Variants in GATAD2A observed in about 807,000 individuals in gnomAD.
GATAD2A encodes GATA zinc finger domain containing 2A.
Under a neutral mutation model 68.5 loss-of-function variants are expected in GATAD2A, and 12 were observed. That is an observed-to-expected ratio of 0.18 (90% CI 0.11 to 0.28). The LOEUF is 0.28. Ranked by LOEUF, GATAD2A falls within the 10% of genes least tolerant of loss-of-function variation. GATAD2A has a pLI of 1.00. For missense variants in GATAD2A, 755 were observed against 868.5 expected (o/e 0.87, Z 1.64); for synonymous variants, 410 against 375.3 (o/e 1.09, Z -1.07).
chr19:19,392,686 G>A (rs1163201517), intron 1 of GATAD2A, among the ~76,000 whole-genome samples: 3 of 148,476 alleles, frequency 2.0e-5, no homozygotes, highest in South Asian at 4.3e-4. Flanking sequence ...CACTGCGTCC[G>A]GTCAAGTTTT....
At chr19:19,419,872 C>T (rs1230083944) in intron 1 of GATAD2A, among the ~76,000 whole-genome samples, 1 of 152,048 alleles carries the variant, frequency 6.6e-6, no homozygotes, top group African/African-American at 2.4e-5. Context: ...GGATCCAGTC[C>T]TAGGACCGTC....
At chr19:19,427,085 C>T (rs1253253561) in intron 1 of GATAD2A, among the ~76,000 whole-genome samples, 1 of 149,716 alleles carries the variant, frequency 6.7e-6, no homozygotes, top group Non-Finnish European at 1.5e-5. Flanking sequence ...TTCCTAGACT[C>T]TCAAATTCTT....
chr19:19,406,517 C>T (rs897098058), intron 1 of GATAD2A, among the ~76,000 whole-genome samples: 5 of 152,106 alleles, frequency 3.3e-5, no homozygotes, highest in South Asian at 2.1e-4. Context: ...GCGCCCACGC[C>T]TGGAGGGCCG....
chr19:19,421,216 A>G (rs1490288437), intron 1 of GATAD2A, among the ~76,000 whole-genome samples: 5 of 152,044 alleles, frequency 3.3e-5, no homozygotes, highest in Non-Finnish European at 5.9e-5. Context: ...TAGGGTCTGG[A>G]TCTGCTTGAG....
intron 1 of GATAD2A, among the ~76,000 whole-genome samples, chr19:19,422,990 C>T (rs1048206137): frequency 5.9e-5 from 9 of 152,096 alleles, no homozygotes; most frequent in Admixed American, 6.6e-5. Flanking sequence ...GGATTACAGG[C>T]GTGAGCCACT....
In GATAD2A at chr19:19,505,435, C is replaced by T. The variant is rs2144571139; in HGVS notation, c.1866C>T (p.Ile622=). ...DRQREYLLDM[I]PPRSIPQSAT... is the part of the protein sequence containing the mutation. ...AGCGAGAGTACCTCCTGGACATGATCCCACCCCGCTCCATCCCCCAGTCAG... is the reference window on the plus strand; with the variant it reads ...AGCGAGAGTACCTCCTGGACATGATTCCACCCCGCTCCATCCCCCAGTCAG... Residue 622 remains isoleucine, a synonymous_variant, in exon 12 of 12, where the codon ATC becomes ATT. Transcript: ENST00000683918. The T allele has an allele frequency of 6.2e-7, 1 of 1,611,704 alleles. No homozygotes were observed. Among genetic ancestry groups the T allele is most frequent in the Non-Finnish European group, 8.5e-7 (1 of 1,179,014 alleles).
At chr19:19,479,673 C>T (rs1291841812) in intron 2 of GATAD2A, among the ~76,000 whole-genome samples, 1 of 152,154 alleles carries the variant, frequency 6.6e-6, no homozygotes, top group African/African-American at 2.4e-5. Context: ...CTTCTCGTCA[C>T]ATCATATCAA....
In GATAD2A at chr19:19,454,728, G is replaced by GCCCCC. The variant is rs60087917; in HGVS notation, c.-6-10607_-6-10603dup. Among the ~76,000 whole-genome samples, 314 of 121,582 alleles carry GCCCCC rather than the reference G, an allele frequency of 2.6e-3. 3 individuals are homozygous for GCCCCC. Among genetic ancestry groups the GCCCCC allele is most frequent in the Non-Finnish European group, 3.2e-3 (188 of 58,942 alleles). 79.8% of individuals were successfully genotyped at this position (121,582 alleles called of 152,430 possible). A position where few individuals can be genotyped will look rare whatever the true frequency, so the allele number is the denominator to read the frequency against. ...TGGGATTACAGGTGTGAGCCACTGT[G>GCCCCC]CCCCCCCCCACCCCCTTAGGTTTCT... On this transcript the variant is annotated intron_variant, in intron 1 of 11. Transcript: ENST00000683918.
At chr19:19,448,856 T>C (rs1419320537) in intron 1 of GATAD2A, among the ~76,000 whole-genome samples, 1 of 152,136 alleles carries the variant, frequency 6.6e-6, no homozygotes, top group Non-Finnish European at 1.5e-5. Context: ...TTTTTCCTAT[T>C]GTCTGGTACA....
At chr19:19,400,873 T>C (rs1170870295), upstream of GATAD2A, among the ~76,000 whole-genome samples, 3 of 152,176 alleles carry the variant, frequency 2.0e-5, no homozygotes, top group Non-Finnish European at 4.4e-5. Flanking sequence ...TAGGGCCCGA[T>C]GTGGTGGCTC....
At position 19,498,801 on chromosome 19, in the gene GATAD2A, C is replaced by T. The variant is rs969910009; in HGVS notation, c.1204+79C>T. 2.0e-5 allele frequency: 26 copies of T among 1,285,562 alleles called. No individual in the cohort carries two copies. In the Middle Eastern group the frequency reaches 7.2e-4, roughly 36 times the overall value. The allele number at this position is 1,285,562 out of a possible 1,614,324, so 79.6% of individuals were successfully genotyped here. A position where few individuals can be genotyped will look rare whatever the true frequency, so the allele number is the denominator to read the frequency against. On this transcript the variant is annotated intron_variant, in intron 8 of 11. Coordinates refer to ENST00000683918, the MANE Select transcript of GATAD2A (RefSeq NM_001384528.1). ...TGCCCCGTGGGTTCTTTCCAACACA[C>T]AGCAGAGGCTGGGGCAGGGCTGCCT...
At chr19:19,467,619 TTTATAGAG>T (rs1335486246) in intron 2 of GATAD2A, among the ~76,000 whole-genome samples, 6 of 152,210 alleles carry the variant, frequency 3.9e-5, no homozygotes, top group Non-Finnish European at 7.3e-5. Context: ...TAGTATTTTG[TTTATAGAG>T]TTTCTATTTG....
chr19:19,396,015 A>G (rs543697429), intron 1 of GATAD2A, among the ~76,000 whole-genome samples: 84 of 152,236 alleles, frequency 5.5e-4, no homozygotes, highest in Non-Finnish European at 9.1e-4. Context: ...TAGTAAAGGT[A>G]GTTGTTAAAG....
At chr19:19,462,449 C>T (rs2057519929) in intron 1 of GATAD2A, among the ~76,000 whole-genome samples, 1 of 152,234 alleles carries the variant, frequency 6.6e-6, no homozygotes, top group South Asian at 2.1e-4. Context: ...AGGGGTGCCG[C>T]AGGGCCCCGC....
At chr19:19,483,326 A>G (rs1398469395) in intron 2 of GATAD2A, among the ~76,000 whole-genome samples, 1 of 152,180 alleles carries the variant, frequency 6.6e-6, no homozygotes, top group Admixed American at 6.5e-5. Flanking sequence ...CTCCAGGAAG[A>G]ATGATGGCTG....
intron 2 of GATAD2A, among the ~76,000 whole-genome samples, chr19:19,482,796 TC>T (rs2059148221): frequency 1.3e-5 from 2 of 152,140 alleles, no homozygotes; most frequent in Non-Finnish European, 2.9e-5. Context: ...GCATGTGTCT[TC>T]CTGTATTTCT....
chr19:19,502,048 G>A lies in GATAD2A; in HGVS notation c.1578+5G>A. On this transcript the variant is annotated splice_donor_5th_base_variant and intron_variant, in intron 10 of 11. Transcript: ENST00000683918. ...AGTAACGGGGCTGTGCTACAGGTCA[G>A]AACCGCACTGGGCGCCGGGAGCCTC... 1.2e-6 allele frequency: 2 copies of A among 1,610,510 alleles called. No homozygotes were observed. Among genetic ancestry groups the A allele is most frequent in the South Asian group, 1.1e-5 (1 of 90,980 alleles).
chr19:19,455,339 A>G (rs572827130), intron 1 of GATAD2A, among the ~76,000 whole-genome samples: 1 of 151,778 alleles, frequency 6.6e-6, no homozygotes, highest in East Asian at 1.9e-4. Context: ...AAATACAAAA[A>G]GTTAGCCAGG....
intron 1 of GATAD2A, among the ~76,000 whole-genome samples, chr19:19,448,084 C>T (rs925132544): frequency 1.3e-5 from 2 of 152,194 alleles, no homozygotes; most frequent in African/African-American, 2.4e-5. Context: ...CGTAACCCTT[C>T]GTAGGCCACG....
Sources: gnomAD v4.1 joint callset for allele counts (sites outside exome capture counted in the v4.1 genomes callset) on GRCh38, gnomAD v4.1.1 for gene constraint, MANE v1.5 for transcripts, NCBI Gene and HGNC (gene_info 2026-07-23, HGNC 2026-07-21) for gene names.